The following AHCY variants were observed in gnomAD, a reference collection of about 807,000 sequenced individuals.
AHCY encodes S-adenosyl-L-homocysteine hydrolase.
A neutral mutation model predicts 45.4 loss-of-function variants in AHCY; 24 were observed. The ratio of observed to expected loss-of-function variants is 0.53; its 90% CI spans 0.38 to 0.74. AHCY has a LOEUF of 0.74. AHCY is among the 30% of genes least tolerant of loss of function. The pLI, the probability that AHCY is intolerant of heterozygous loss-of-function variation, is 0.00. For missense variants in AHCY, 449 were observed against 594.1 expected (o/e 0.76, Z 2.54); for synonymous variants, 245 against 235.1 (o/e 1.04, Z -0.39).
the AHCY span, among the ~76,000 whole-genome samples, chr20:34,243,091 G>A: frequency 2.6e-5 from 4 of 152,324 alleles, no homozygotes; most frequent in South Asian, 8.3e-4. Context: ...ATGAACATCT[G>A]GGAAGCCTAG....
chr20:34,278,782 A>C (rs2035934512), downstream of AHCY, among the ~76,000 whole-genome samples: 1 of 152,126 alleles, frequency 6.6e-6, no homozygotes, highest in Non-Finnish European at 1.5e-5. Context: ...GTAAAGATAC[A>C]TCATATCTTT....
chr20:34,265,914 C>T, the AHCY span, among the ~76,000 whole-genome samples: 1 of 151,680 alleles, frequency 6.6e-6, no homozygotes, highest in African/African-American at 2.4e-5. Context: ...CACACCACTG[C>T]ACCCTAGCCT....
chr20:34,269,946 TAAAAAAAAAAAAAAAAAAAAA>T, the AHCY span, among the ~76,000 whole-genome samples: 2 of 59,236 alleles, frequency 3.4e-5, no homozygotes, highest in Non-Finnish European at 5.8e-5. Flanking sequence ...AACTCTGTCT[TAAAAAAAAAAAAAAAAAAAAA>T]AAAAAAAAAA....
chr20:34,301,654 T>C (rs2036775969), intron 1 of AHCY: 1 of 302,506 alleles, frequency 3.3e-6, no homozygotes, highest in Non-Finnish European at 4.9e-6. Context: ...TCCAGCTTTA[T>C]CTCCACCCAC....
At chr20:34,248,571 G>A in the AHCY span, among the ~76,000 whole-genome samples, 3 of 152,140 alleles carry the variant, frequency 2.0e-5, no homozygotes, top group Admixed American at 1.3e-4. Context: ...GGGAGGCCGA[G>A]GAGGCAGTGT....
At chr20:34,246,492 T>C in the AHCY span, 1 of 1,373,480 alleles carries the variant, frequency 7.3e-7, no homozygotes, top group Non-Finnish European at 1.0e-6. Context: ...GCACTGTTCC[T>C]TGGGTCTCCT....
At chr20:34,233,637 C>T in the AHCY span, among the ~76,000 whole-genome samples, 3 of 152,048 alleles carry the variant, frequency 2.0e-5, no homozygotes, top group Non-Finnish European at 2.9e-5. Context: ...TCAATGGTAC[C>T]ACCAGTCTGA....
the AHCY span, among the ~76,000 whole-genome samples, chr20:34,244,957 A>G: frequency 6.6e-6 from 1 of 152,196 alleles, no homozygotes; most frequent in African/African-American, 2.4e-5. Context: ...ATTTTTAAAA[A>G]TCACTCAGCT....
chr20:34,245,943 AT>A, the AHCY span: 3 of 1,531,906 alleles, frequency 2.0e-6, no homozygotes, highest in Admixed American at 3.5e-5. Flanking sequence ...ATACAGACAA[AT>A]TTTCAAATTC....
At chr20:34,258,690 T>TATATATATATATACAC in the AHCY span, among the ~76,000 whole-genome samples, 2 of 72,326 alleles carry the variant, frequency 2.8e-5, no homozygotes, top group African/African-American at 1.5e-4. Flanking sequence ...TATATATATA[T>TATATATATATATACAC]ACATACTATA....
At chr20:34,274,234 C>T in the AHCY span, among the ~76,000 whole-genome samples, 1 of 152,146 alleles carries the variant, frequency 6.6e-6, no homozygotes, top group African/African-American at 2.4e-5. Context: ...CTACTTCATG[C>T]CAGGCATGAC....
At chr20:34,240,304 A>T in the AHCY span, among the ~76,000 whole-genome samples, 1 of 152,134 alleles carries the variant, frequency 6.6e-6, no homozygotes, top group Non-Finnish European at 1.5e-5. Flanking sequence ...CTTGTGAAAA[A>T]TTTAATTCAT....
chr20:34,300,416 T>TGCCC (rs2036730120), intron 1 of AHCY, among the ~76,000 whole-genome samples: 1 of 152,188 alleles, frequency 6.6e-6, no homozygotes, highest in Admixed American at 6.6e-5. Context: ...CATGACTGCC[T>TGCCC]GCCCCTCCTC....
rs776217447 is a variant in AHCY at position 34,294,159 on chromosome 20, A to G, written c.220-3T>C. 2.5e-6 allele frequency: 4 copies of G among 1,612,780 alleles called. No individual in the cohort carries two copies. The highest frequency in any genetic ancestry group is 2.0e-4 in the Middle Eastern group (1 of 5,106). On this transcript the variant is annotated splice_region_variant and splice_polypyrimidine_tract_variant and intron_variant, in intron 2 of 9. Transcript: ENST00000217426. ...ATGTTGCAGCTGGACCACTGCACCT[A>G]GAAGAGCCATCAAAACAAGGCTGTT...
upstream of AHCY, among the ~76,000 whole-genome samples, chr20:34,307,128 T>C (rs984749318): frequency 2.0e-5 from 3 of 151,850 alleles, no homozygotes; most frequent in East Asian, 1.9e-4. Flanking sequence ...TTCTTTTTTT[T>C]TTTTTTTGAG....
intron 9 of AHCY, among the ~76,000 whole-genome samples, chr20:34,284,816 C>G (rs1452342023): frequency 2.0e-5 from 3 of 152,166 alleles, no homozygotes; most frequent in African/African-American, 7.2e-5. Context: ...GAGTGAGACT[C>G]TATCTCAAAA....
chr20:34,239,008 C>T, the AHCY span, among the ~76,000 whole-genome samples: 60 of 152,176 alleles, frequency 3.9e-4, no homozygotes, highest in Non-Finnish European at 7.5e-4. Flanking sequence ...GAGCTTCCTA[C>T]TCTGCCATCT....
At chr20:34,289,143 A>T (rs1429370408) in intron 8 of AHCY, among the ~76,000 whole-genome samples, 1 of 151,068 alleles carries the variant, frequency 6.6e-6, no homozygotes, top group Non-Finnish European at 1.5e-5. Context: ...AGCTGGGATT[A>T]CAGGCACCCA....
Position 34,292,357 on chromosome 20 carries a change from C to A in AHCY, c.445+1G>T, listed in dbSNP as rs1325013062. On this transcript the variant is annotated splice_donor_variant, in intron 4 of 9. Transcript: ENST00000217426. LOFTEE classifies it high-confidence loss of function. ...CAGCCCACCTGCCCCGCCCTGCTCA[C>A]CTGGCAGAAGCTGCGGGTACTTGGT... is the stretch of plus-strand genomic sequence containing the variant. The A allele has an allele frequency of 6.2e-7, 1 of 1,612,922 alleles. No homozygotes were observed.
Sources: allele counts gnomAD v4.1 joint callset (sites outside exome capture counted in the v4.1 genomes callset), GRCh38; gene constraint gnomAD v4.1.1; transcripts MANE v1.5; gene names NCBI Gene and HGNC (gene_info 2026-07-23, HGNC 2026-07-21).